The following TAF3 variants were observed in gnomAD, a reference collection of about 807,000 sequenced individuals.
The protein encoded by TAF3 is transcription initiation factor TFIID subunit 3.
In TAF3, 7 loss-of-function variants were observed where a neutral mutation model predicts 80.6. The observed-to-expected ratio is 0.09, with a 90% CI of 0.05 to 0.16. TAF3 has a LOEUF of 0.16. Ranked by LOEUF, TAF3 falls within the 10% of genes least tolerant of loss-of-function variation. The pLI is 1.00. For synonymous variants in TAF3, 444 were observed against 446.1 expected, an observed-to-expected ratio of 1.00 and a Z score of 0.06; for missense variants, 921 against 1,140.2, an observed-to-expected ratio of 0.81 and a Z score of 2.77.
rs138588441 is a variant in TAF3 at position 7,947,655 on chromosome 10, T to C, written c.410-16265T>C. ...GCGAGAGCGTTGGGGAGAAGCTTGG[T>C]GAGTTTGAGAAGCATCGAAGATGCC... is the stretch of plus-strand genomic sequence containing the variant. On this transcript the variant is annotated intron_variant, in intron 2 of 6. Transcript: ENST00000344293. 4.3e-3 allele frequency among the ~76,000 whole-genome samples: 647 copies of C among 152,006 alleles called. 5 individuals carry two copies. The highest frequency in any genetic ancestry group is 0.014 in the African/African-American group (569 of 41,430).
chr10:7,826,578 A>C (rs1161151412), intron 2 of TAF3, among the ~76,000 whole-genome samples: 1 of 152,202 alleles, frequency 6.6e-6, no homozygotes, highest in Non-Finnish European at 1.5e-5. Context: ...AAACAATATA[A>C]ATTATAAACA....
At chr10:7,951,671 G>A (rs1476641032) in intron 2 of TAF3, among the ~76,000 whole-genome samples, 1 of 152,218 alleles carries the variant, frequency 6.6e-6, no homozygotes, top group African/African-American at 2.4e-5. Context: ...GGGGAAGAAT[G>A]TCTGTTCATT....
intron 2 of TAF3, among the ~76,000 whole-genome samples, chr10:7,895,559 T>C (rs1837496651): frequency 6.6e-6 from 1 of 152,206 alleles, no homozygotes; most frequent in Non-Finnish European, 1.5e-5. Context: ...AGTAAGACTT[T>C]TGGTCATAAG....
At chr10:7,876,698 G>A (rs1837315671) in intron 2 of TAF3, among the ~76,000 whole-genome samples, 1 of 152,146 alleles carries the variant, frequency 6.6e-6, no homozygotes, top group Admixed American at 6.5e-5. Context: ...TAAAAGTCAG[G>A]AAAGTTCTTT....
intron 4 of TAF3, among the ~76,000 whole-genome samples, chr10:8,008,740 G>C (rs1039889366): frequency 6.6e-6 from 1 of 152,192 alleles, no homozygotes; most frequent in African/African-American, 2.4e-5. Context: ...CAGCAGAGGT[G>C]GGGGTGGGGA....
intron 3 of TAF3, among the ~76,000 whole-genome samples, chr10:7,969,151 C>T (rs1831599302): frequency 6.6e-6 from 1 of 151,780 alleles, no homozygotes; most frequent in Non-Finnish European, 1.5e-5. Context: ...AACAAACAAA[C>T]AAACAAACAA....
chr10:7,833,898 C>T (rs917636984), intron 2 of TAF3: 11 of 790,782 alleles, frequency 1.4e-5, no homozygotes, highest in South Asian at 4.4e-5. Flanking sequence ...CCCCTTCAGC[C>T]GCTGCACAGT....
chr10:7,957,794 G>T (rs2986980), intron 2 of TAF3, among the ~76,000 whole-genome samples: 65,045 of 130,034 alleles, frequency 0.5, 16,084 homozygotes, highest in Non-Finnish European at 0.58. Flanking sequence ...TCTCTAGCGC[G>T]CTCTCTCTCT....
intron 3 of TAF3, among the ~76,000 whole-genome samples, chr10:7,973,542 T>C (rs1451977829): frequency 2.0e-5 from 3 of 152,066 alleles, no homozygotes; most frequent in Non-Finnish European, 4.4e-5. Context: ...GAAAACAAAA[T>C]GGAAAAGAAA....
At chr10:7,873,624 C>CCCA (rs1554779081) in intron 2 of TAF3, among the ~76,000 whole-genome samples, 1 of 143,536 alleles carries the variant, frequency 7.0e-6, no homozygotes, top group Non-Finnish European at 1.6e-5. Flanking sequence ...TTCTCCCCCC[C>CCCA]CCCCCGTCAA....
chr10:7,961,335 T>C (rs1349401211), intron 2 of TAF3, among the ~76,000 whole-genome samples: 2 of 152,226 alleles, frequency 1.3e-5, no homozygotes, highest in African/African-American at 2.4e-5. Flanking sequence ...TGATGTTCTT[T>C]ATGATTTACT....
chr10:7,951,693 A>G (rs182303186), intron 2 of TAF3, among the ~76,000 whole-genome samples: 1 of 152,174 alleles, frequency 6.6e-6, no homozygotes, highest in East Asian at 1.9e-4. Flanking sequence ...TTACAGTCTG[A>G]CTCGTACTTC....
At chr10:7,919,400 G>C (rs761773382) in intron 2 of TAF3, among the ~76,000 whole-genome samples, 6 of 152,178 alleles carry the variant, frequency 3.9e-5, no homozygotes, top group Non-Finnish European at 5.9e-5. Context: ...TACTGTCCTG[G>C]TGTTACTTAG....
intron 5 of TAF3, 79 bp from the exon 6 acceptor site, chr10:8,013,652 G>C (rs7073198): frequency 0.051 from 57,899 of 1,134,244 alleles, 3,005 homozygotes; most frequent in Admixed American, 0.18. Context: ...ACAGTATAAA[G>C]TAATCATTCT....
chr10:7,951,733 T>A (rs1838084914), intron 2 of TAF3, among the ~76,000 whole-genome samples: 1 of 152,142 alleles, frequency 6.6e-6, no homozygotes, highest in Non-Finnish European at 1.5e-5. Flanking sequence ...TACAAACTCA[T>A]TTTTTACATA....
intron 1 of TAF3, among the ~76,000 whole-genome samples, chr10:7,821,224 T>TG (rs1836687440): frequency 6.6e-6 from 1 of 151,496 alleles, no homozygotes; most frequent in South Asian, 2.1e-4. Flanking sequence ...TTTGGTGACT[T>TG]TTTTTTAATG....
At chr10:7,883,937 G>T (rs1837384555) in intron 2 of TAF3, among the ~76,000 whole-genome samples, 1 of 152,142 alleles carries the variant, frequency 6.6e-6, no homozygotes, top group African/African-American at 2.4e-5. Context: ...ACCAGGCAAC[G>T]CAGGGCATCA....
intron 1 of TAF3, 69 bp downstream of exon 1, chr10:7,818,944 C>T (rs1029039151): frequency 1.1e-5 from 15 of 1,318,840 alleles, no homozygotes; most frequent in Middle Eastern, 2.8e-4. Flanking sequence ...CTCTCCCTGT[C>T]CCTCCGCGTC....
intron 2 of TAF3, among the ~76,000 whole-genome samples, chr10:7,954,285 G>C (rs1564370474): frequency 7.2e-6 from 1 of 139,654 alleles, no homozygotes; most frequent in Non-Finnish European, 1.6e-5. Flanking sequence ...AGTTAACACA[G>C]AGCTCTCCCT....
Sources: gnomAD v4.1 joint callset for allele counts (sites outside exome capture counted in the v4.1 genomes callset) on GRCh38, gnomAD v4.1.1 for gene constraint, MANE v1.5 for transcripts, NCBI Gene and HGNC (gene_info 2026-07-23, HGNC 2026-07-21) for gene names.